The following MMP2 variants were observed in gnomAD, a reference collection of about 807,000 sequenced individuals.
MMP2 encodes matrix metallopeptidase 2.
MMP2 carries 39 observed loss-of-function variants against 74.8 expected under a neutral mutation model. The observed-to-expected ratio is 0.52, with a 90% CI of 0.40 to 0.68. The LOEUF is 0.68. MMP2 is among the 30% of genes least tolerant of loss of function. The pLI is 0.00. For missense variants in MMP2, 803 were observed against 878.3 expected (o/e 0.91, Z 1.08); for synonymous variants, 367 against 339.8 (o/e 1.08, Z -0.88).
intron 8 of MMP2, among the ~76,000 whole-genome samples, chr16:55,492,424 CAATTATTT>C (rs1441072235): frequency 7.7e-6 from 1 of 129,360 alleles, no homozygotes; most frequent in South Asian, 2.6e-4. Flanking sequence ...TGCCTTAAGC[CAATTATTT>C]ATTTATTTAT....
rs2287073 is a variant in MMP2, at chr16:55,479,419, G to C, written c.-61G>C. 0.11 allele frequency: 147,705 copies of C among 1,400,950 alleles called. 8,835 individuals are homozygous for C. Among genetic ancestry groups the C allele is most frequent in the East Asian group, 0.27 (9,242 of 34,374 alleles). The allele number at this position is 1,400,950 out of a possible 1,614,324, so 86.8% of individuals were successfully genotyped here. ...GGAGCAGGCTCCAACCAGGCGGCGA[G>C]GCGGCCACACGCACCGAGCCAGCGA... On this transcript the variant is annotated 5_prime_UTR_variant, in exon 1 of 13. Coordinates refer to ENST00000219070, the MANE Select transcript of MMP2 (RefSeq NM_004530.6).
At chr16:55,488,115 A>G (rs1962303650) in intron 5 of MMP2, 1 of 242,142 alleles carries the variant, frequency 4.1e-6, no homozygotes, top group Admixed American at 5.2e-5. Flanking sequence ...TCTTTGTCCT[A>G]GCCTTGATTT....
chr16:55,493,161 C>A lies in MMP2; in HGVS notation c.1340C>A (p.Ala447Asp). The stretch of plus-strand genomic sequence containing the variant: ...TAAGGTCAGGTGTTCTCCCCAGGGG[C>A]CTCTCCTGACATTGACCTTGGCACC... ...DIKGIQELYG[A>D]SPDIDLGTGP... Residue 447 changes from alanine (A) to aspartate (D), a missense_variant, in exon 9 of 13, where the codon GCC becomes GAC. Coordinates refer to ENST00000219070, the MANE Select transcript of MMP2 (RefSeq NM_004530.6). 6.2e-7 allele frequency: 1 copy of A among 1,613,624 alleles called. No homozygotes were observed. Among genetic ancestry groups the A allele is most frequent in the Non-Finnish European group, 8.5e-7 (1 of 1,179,988 alleles).
chr16:55,483,824 A>G (rs1962168812), intron 2 of MMP2, among the ~76,000 whole-genome samples, 192 bp from the exon 3 acceptor site: 1 of 152,128 alleles, frequency 6.6e-6, no homozygotes, highest in African/African-American at 2.4e-5. Flanking sequence ...CTACACACAC[A>G]TACACGCAGG....
intron 5 of MMP2, chr16:55,488,167 G>A: frequency 3.9e-6 from 1 of 256,574 alleles, no homozygotes; most frequent in Non-Finnish European, 7.6e-6. Flanking sequence ...GGTCCTGCCT[G>A]CCATGACTGA....
At position 55,485,626 on chromosome 16, in the gene MMP2, C is replaced by T. The variant is rs558609366; in HGVS notation, c.681C>T (p.Asn227=). The change falls in exon 5 of 13, where the codon AAC becomes AAT. Residue 227 remains asparagine (N), a synonymous_variant. Coordinates refer to ENST00000219070, the MANE Select transcript of MMP2 (RefSeq NM_004530.6). ...TAGTGGTCCGTGTGAAGTATGGGAA[C>T]GCCGATGGGGAGTACTGCAAGTTCC... is the stretch of plus-strand genomic sequence containing the variant. The part of the protein sequence containing the change: ...EGQVVRVKYG[N]ADGEYCKFPF... The T allele has an allele frequency of 6.4e-5, 104 of 1,614,122 alleles. No individual in the cohort carries two copies. Among genetic ancestry groups the T allele is most frequent in the Non-Finnish European group, 7.5e-5 (88 of 1,180,022 alleles).
In MMP2 at chr16:55,505,742, G is replaced by A; in HGVS notation, c.*300G>A. ...ACGCAGCCCTGCTTTGGGCTGCCCT[G>A]GTGCTGCCACACTTCAGGCTCTTCT... On this transcript the variant is annotated 3_prime_UTR_variant, in exon 13 of 13. Transcript: ENST00000219070. 2.2e-6 allele frequency: 1 copy of A among 452,622 alleles called. No individual in the cohort carries two copies. 28.0% of individuals were successfully genotyped at this position (452,622 alleles called of 1,614,324 possible). A position where few individuals can be genotyped will look rare whatever the true frequency, so the allele number is the denominator to read the frequency against.
In MMP2 at chr16:55,479,594, G is replaced by C. The variant is rs1392610505; in HGVS notation, c.115G>C (p.Gly39Arg). 6.2e-7 allele frequency: 1 copy of C among 1,613,740 alleles called. No homozygotes were observed. Among genetic ancestry groups the C allele is most frequent in the South Asian group, 1.1e-5 (1 of 91,082 alleles). ...GCCGTCGCCCATCATCAAGTTCCCC[G>C]GCGATGTCGCCCCCAAAACGGACAA... is the stretch of plus-strand genomic sequence containing the variant. ...AAPSPIIKFP[G>R]DVAPKTDKEL... is the part of the protein sequence containing the mutation. Residue 39 changes from glycine to arginine, a missense_variant, in exon 1 of 13, where the codon GGC becomes CGC. By Grantham distance (125) the Gly-to-Arg change is moderately radical. Transcript: ENST00000219070.
intron 12 of MMP2, among the ~76,000 whole-genome samples, chr16:55,504,628 T>G (rs1219134904): frequency 1.3e-5 from 2 of 151,142 alleles, no homozygotes; most frequent in Non-Finnish European, 2.9e-5. Flanking sequence ...TTTTCTTCAA[T>G]CAGCTCAGAT....
intron 8 of MMP2, 23 bp downstream of exon 8, chr16:55,491,979 G>T (rs768874754): frequency 6.3e-7 from 1 of 1,589,030 alleles, no homozygotes; most frequent in Non-Finnish European, 8.6e-7. Context: ...GCGGGGGTTG[G>T]GGGTGGAGGG....
chr16:55,489,594 C>G (rs1318294048), intron 6 of MMP2, 57 bp from the exon 7 acceptor site: 1 of 1,602,406 alleles, frequency 6.2e-7, no homozygotes, highest in Non-Finnish European at 8.5e-7. Context: ...GTCATTGCTT[C>G]CTGGTGGTAG....
At chr16:55,488,355 C>G (rs905486919) in intron 5 of MMP2, 188 bp from the exon 6 acceptor site, 126 of 636,130 alleles carry the variant, frequency 2.0e-4, no homozygotes, top group Admixed American at 6.3e-4. Context: ...ATTGGGATAA[C>G]CAGGGAAGCA....
chr16:55,489,584 G>A (rs1962348767), intron 6 of MMP2, 67 bp from the exon 7 acceptor site: 6 of 1,590,436 alleles, frequency 3.8e-6, no homozygotes, highest in Middle Eastern at 1.7e-4. Flanking sequence ...TCAGCGTCAT[G>A]TCATTGCTTC....
chr16:55,489,686 C>T lies in MMP2; in HGVS notation c.1042C>T (p.Pro348Ser). 2 of 1,614,152 alleles carry T rather than the reference C, an allele frequency of 1.2e-6. No individual in the cohort carries two copies. Among genetic ancestry groups the T allele is most frequent in the Middle Eastern group, 1.6e-4 (1 of 6,062 alleles). Residue 348 changes from proline (P) to serine (S), a missense_variant, in exon 7 of 13, where the codon CCC (proline) becomes TCC (serine). By Grantham distance (74) the Pro-to-Ser change is moderately conservative (BLOSUM62 -1). This residue lies in a region of MMP2 where 555 missense variants were observed against 592.0 expected (regional missense o/e 0.94). Transcript: ENST00000219070. ...STVGGNSEGA[P>S]CVFPFTFLGN... ...TGTTGGTGGGAACTCAGAAGGTGCCCCCTGTGTCTTCCCCTTCACTTTCCT... is the reference window on the plus strand; with the variant it reads ...TGTTGGTGGGAACTCAGAAGGTGCCTCCTGTGTCTTCCCCTTCACTTTCCT...
intron 9 of MMP2, 108 bp downstream of exon 9, chr16:55,493,401 G>A: frequency 2.1e-6 from 3 of 1,454,272 alleles, no homozygotes; most frequent in Non-Finnish European, 2.9e-6. Context: ...ATGCTTCCCA[G>A]AATGACCTGA....
intron 9 of MMP2, among the ~76,000 whole-genome samples, chr16:55,495,441 G>A (rs146507314): frequency 6.6e-6 from 1 of 152,252 alleles, no homozygotes; most frequent in East Asian, 1.9e-4. Context: ...TCAACCATGA[G>A]CAAAAATTGC....
intron 5 of MMP2, 75 bp downstream of exon 5, chr16:55,485,852 C>A: frequency 6.7e-7 from 1 of 1,482,752 alleles, no homozygotes; most frequent in Non-Finnish European, 9.3e-7. Context: ...TGTGCTCTTC[C>A]CTCCACACTC....
intron 5 of MMP2, chr16:55,486,634 G>C (rs1455501437): frequency 4.0e-5 from 6 of 151,882 alleles, no homozygotes; most frequent in Non-Finnish European, 7.4e-5. Flanking sequence ...AAATATCCTT[G>C]ACACACTTAA....
In MMP2 at chr16:55,485,775, A is replaced by G; in HGVS notation, c.830A>G (p.Glu277Gly). The change falls in exon 5 of 13, where the codon GAA becomes GGA. Residue 277 changes from glutamate to glycine, a missense_variant and splice_region_variant. This residue lies in a region of MMP2 where 555 missense variants were observed against 592.0 expected (regional missense o/e 0.94). Coordinates refer to ENST00000219070, the MANE Select transcript of MMP2 (RefSeq NM_004530.6). ...GGCAAGTACGGCTTCTGTCCCCATG[A>G]AGGTGAGCATCCACTCTAGTCCCCA... ...KDGKYGFCPH[E>G]ALFTMGGNAE... 6.2e-7 allele frequency: 1 copy of G among 1,613,282 alleles called. No individual in the cohort carries two copies.
Sources: allele counts gnomAD v4.1 joint callset (sites outside exome capture counted in the v4.1 genomes callset), GRCh38; gene constraint gnomAD v4.1.1; regional missense constraint gnomAD v4.1.1; transcripts MANE v1.5; gene names NCBI Gene and HGNC (gene_info 2026-07-23, HGNC 2026-07-21).